GRXCR2: variants seen among roughly 807,000 people sequenced by gnomAD.
GRXCR2 encodes the protein glutaredoxin domain-containing cysteine-rich protein 2.
GRXCR2 carries 23 observed loss-of-function variants against 24.8 expected under a neutral mutation model. The observed-to-expected ratio is 0.93, with a 90% CI of 0.67 to 1.32. The LOEUF is 1.32. Ranked by LOEUF, GRXCR2 falls within the 40% of genes most tolerant of loss-of-function variation. The pLI is 0.00. For synonymous variants in GRXCR2, 130 were observed against 116.1 expected (o/e 1.12, Z -0.77); for missense variants, 315 against 303.4 (o/e 1.04, Z -0.28).
chr5:145,915,136 G>T (rs71594521), intron 2 of GRXCR2, among the ~76,000 whole-genome samples: 6,983 of 152,286 alleles, frequency 0.046, 223 homozygotes, highest in Non-Finnish European at 0.07. Context: ...TCTATGGATG[G>T]CTGTGGTGAG....
chr5:145,858,213 C>T (rs950594686), downstream of GRXCR2, among the ~76,000 whole-genome samples: 3 of 149,864 alleles, frequency 2.0e-5, no homozygotes, highest in Non-Finnish European at 4.4e-5. Flanking sequence ...ACTCAGGAGG[C>T]GGAGGCAGGA....
intron 2 of GRXCR2, among the ~76,000 whole-genome samples, chr5:145,885,879 G>A (rs1448163521): frequency 1.3e-5 from 2 of 152,036 alleles, no homozygotes; most frequent in Non-Finnish European, 2.9e-5. Flanking sequence ...TGCTTACTGG[G>A]CATGTTCTAC....
chr5:145,922,122 C>A (rs918272293), intron 2 of GRXCR2, among the ~76,000 whole-genome samples: 6 of 152,182 alleles, frequency 3.9e-5, no homozygotes, highest in African/African-American at 1.4e-4. Flanking sequence ...CTTTGCCAAG[C>A]ATTTTGTGAT....
At chr5:145,895,939 G>C (rs1756942243) in intron 2 of GRXCR2, among the ~76,000 whole-genome samples, 2 of 152,142 alleles carry the variant, frequency 1.3e-5, no homozygotes, top group South Asian at 4.1e-4. Context: ...CAGAGATATA[G>C]AACAATGGAA....
intron 2 of GRXCR2, among the ~76,000 whole-genome samples, chr5:145,914,232 G>T (rs1447323965): frequency 6.6e-6 from 1 of 152,064 alleles, no homozygotes; most frequent in African/African-American, 2.4e-5. Flanking sequence ...CTTCAGTTGT[G>T]TCTACACTTC....
rs953157430 is a variant in GRXCR2, at chr5:145,866,650, T to C, written c.415A>G (p.Arg139Gly). The change falls in exon 2 of 3, where the codon AGA (arginine) becomes GGA (glycine). Residue 139 changes from arginine to glycine, a missense_variant. Physicochemically the swap from Arg to Gly is moderately radical, Grantham distance 125. Coordinates refer to ENST00000377976, the MANE Select transcript of GRXCR2 (RefSeq NM_001080516.2). ...LKIIRTPMDKRDFVRKILQKE... is the reference protein window; with the variant it reads ...LKIIRTPMDKGDFVRKILQKE... Reference sequence around the variant, plus strand: ...TGGAGAATTTTCCTCACAAAATCTCTCTTGTCCATTGGGGTTCGAATGATT... The same window carrying C: ...TGGAGAATTTTCCTCACAAAATCTCCCTTGTCCATTGGGGTTCGAATGATT... 5.0e-6 allele frequency: 8 copies of C among 1,613,812 alleles called. No individual in the cohort carries two copies. The Admixed American group carries it at 5.0e-5, about 10-fold the overall frequency.
chr5:145,901,133 C>A (rs560896448), intron 2 of GRXCR2, among the ~76,000 whole-genome samples: 1 of 145,666 alleles, frequency 6.9e-6, no homozygotes, highest in Non-Finnish European at 1.5e-5. Context: ...ACAACAGACA[C>A]TGGGGACTAC....
At chr5:145,927,308 G>C (rs918373796) in intron 2 of GRXCR2, among the ~76,000 whole-genome samples, 10 of 152,128 alleles carry the variant, frequency 6.6e-5, no homozygotes, top group African/African-American at 1.9e-4. Context: ...TCTTGTGCCA[G>C]TTTTCAAAGG....
At chr5:145,881,849 C>T (rs918047617) in intron 2 of GRXCR2, among the ~76,000 whole-genome samples, 1 of 152,076 alleles carries the variant, frequency 6.6e-6, no homozygotes, top group African/African-American at 2.4e-5. Context: ...AGAACAGAGG[C>T]CTCAGAAATA....
chr5:145,926,113 A>G (rs1326350034), intron 2 of GRXCR2, among the ~76,000 whole-genome samples: 3 of 152,180 alleles, frequency 2.0e-5, no homozygotes, highest in African/African-American at 7.2e-5. Context: ...GAAAGGAAAC[A>G]GTGAAAGAAA....
rs1651937582 is a variant in GRXCR2, at chr5:145,859,224, C to T, written c.*509G>A. On this transcript the variant is annotated 3_prime_UTR_variant, in exon 3 of 3. Coordinates refer to ENST00000377976, the MANE Select transcript of GRXCR2 (RefSeq NM_001080516.2). ...CACAGTGAACATCCCATTTTGCTTG[C>T]TGTGGCCTGCTAGTGCGTTCAGCGT... The T allele has an allele frequency of 6.4e-6, 1 of 156,118 alleles. No individual in the cohort carries two copies. The highest frequency in any genetic ancestry group is 1.4e-5 in the Non-Finnish European group (1 of 70,166). The allele number at this position is 156,118 out of a possible 1,614,324, so 9.7% of individuals were successfully genotyped here.
At chr5:145,923,426 C>T (rs889955705) in intron 2 of GRXCR2, among the ~76,000 whole-genome samples, 30 of 152,232 alleles carry the variant, frequency 2.0e-4, no homozygotes, top group Admixed American at 3.3e-4. Context: ...GAAAATCAAG[C>T]GGTTTCACAT....
At chr5:145,874,352 C>T (rs867497631), upstream of GRXCR2, among the ~76,000 whole-genome samples, 37 of 151,918 alleles carry the variant, frequency 2.4e-4, no homozygotes, top group Middle Eastern at 6.8e-3. Context: ...TACAGGCACA[C>T]GCCACCATGC....
chr5:145,885,693 G>T (rs1172048637), intron 2 of GRXCR2, among the ~76,000 whole-genome samples: 1 of 152,160 alleles, frequency 6.6e-6, no homozygotes. Flanking sequence ...CTCCACTGAG[G>T]AATACACCAT....
chr5:145,870,938 T>C (rs1424411941), intron 1 of GRXCR2, among the ~76,000 whole-genome samples: 1 of 152,066 alleles, frequency 6.6e-6, no homozygotes, highest in Admixed American at 6.6e-5. Flanking sequence ...TACCTAGATT[T>C]ATAAATTCTA....
At chr5:145,884,360 C>T (rs566486089) in intron 2 of GRXCR2, among the ~76,000 whole-genome samples, 125 of 152,012 alleles carry the variant, frequency 8.2e-4, no homozygotes, top group African/African-American at 2.6e-3. Context: ...AACATAACCA[C>T]GTGCAGTATA....
chr5:145,908,676 C>T (rs1343254319), intron 2 of GRXCR2, among the ~76,000 whole-genome samples: 1 of 152,120 alleles, frequency 6.6e-6, no homozygotes, highest in Non-Finnish European at 1.5e-5. Context: ...AGCAAAAACT[C>T]CAGGGATGCT....
intron 1 of GRXCR2, 63 bp from the exon 2 acceptor site, chr5:145,866,791 A>G: frequency 9.8e-7 from 1 of 1,017,780 alleles, no homozygotes; most frequent in South Asian, 1.4e-5. Flanking sequence ...GGGCTGCAGA[A>G]CCTGTCCAAC....
intron 2 of GRXCR2, among the ~76,000 whole-genome samples, chr5:145,929,886 C>G (rs1046058087): frequency 6.6e-6 from 1 of 152,036 alleles, no homozygotes; most frequent in African/African-American, 2.4e-5. Flanking sequence ...TCTTTTGGTT[C>G]TTCACAATCA....
Sources: allele counts gnomAD v4.1 joint callset (sites outside exome capture counted in the v4.1 genomes callset), GRCh38; gene constraint gnomAD v4.1.1; transcripts MANE v1.5; gene names NCBI Gene and HGNC (gene_info 2026-07-23, HGNC 2026-07-21).